VPS37A: variants seen among roughly 807,000 people sequenced by gnomAD.
VPS37A encodes the protein VPS37A subunit of ESCRT-I.
VPS37A carries 30 observed loss-of-function variants against 49.8 expected under a neutral mutation model. The observed-to-expected ratio is 0.60, with a 90% CI of 0.45 to 0.82. The LOEUF is 0.82. Ranked by LOEUF, VPS37A falls within the 40% of genes least tolerant of loss-of-function variation. The pLI is 0.00. For synonymous variants in VPS37A, 195 were observed against 160.6 expected, an observed-to-expected ratio of 1.21 and a Z score of -1.62; for missense variants, 593 against 464.4, an observed-to-expected ratio of 1.28 and a Z score of -2.55.
chr8:17,277,071 A>G (rs891998674), intron 6 of VPS37A, among the ~76,000 whole-genome samples: 1 of 152,124 alleles, frequency 6.6e-6, no homozygotes, highest in Non-Finnish European at 1.5e-5. Context: ...CTTATTACTA[A>G]TAAGACTACT....
At chr8:17,261,503 G>T (rs1188953579) in intron 1 of VPS37A, among the ~76,000 whole-genome samples, 4 of 152,150 alleles carry the variant, frequency 2.6e-5, no homozygotes, top group Non-Finnish European at 4.4e-5. Context: ...GGGAAGTCAG[G>T]CTCCCTGTTT....
At chr8:17,322,644 A>AC in the VPS37A span, among the ~76,000 whole-genome samples, 1 of 151,960 alleles carries the variant, frequency 6.6e-6, no homozygotes. Context: ...ATGTAGCAAG[A>AC]CCCCATCTCT....
chr8:17,277,956 GAATA>G (rs1814685726), intron 6 of VPS37A, among the ~76,000 whole-genome samples: 1 of 151,114 alleles, frequency 6.6e-6, no homozygotes, highest in Non-Finnish European at 1.5e-5. Context: ...ACAAATATGG[GAATA>G]AATACATGTC....
At chr8:17,287,367 C>G (rs1286804672) in intron 11 of VPS37A, among the ~76,000 whole-genome samples, 1 of 152,096 alleles carries the variant, frequency 6.6e-6, no homozygotes, top group Non-Finnish European at 1.5e-5. Flanking sequence ...ATTTCTGCAT[C>G]TCTATTCTTT....
At chr8:17,261,287 A>C (rs537402208) in intron 1 of VPS37A, among the ~76,000 whole-genome samples, 38 of 152,310 alleles carry the variant, frequency 2.5e-4, no homozygotes, top group Middle Eastern at 6.8e-3. Flanking sequence ...TTCAGCAAAC[A>C]TATTTCTCAG....
intron 11 of VPS37A, among the ~76,000 whole-genome samples, chr8:17,291,557 T>C (rs1248890055): frequency 1.3e-5 from 2 of 152,070 alleles, no homozygotes; most frequent in South Asian, 2.1e-4. Flanking sequence ...ATTCTTTTAA[T>C]TGTGATGTTA....
At chr8:17,252,925 A>C (rs1812108152) in intron 1 of VPS37A, among the ~76,000 whole-genome samples, 1 of 152,218 alleles carries the variant, frequency 6.6e-6, no homozygotes, top group Non-Finnish European at 1.5e-5. Flanking sequence ...GTAAACTTTA[A>C]AATTATGCGT....
At position 17,284,556 on chromosome 8, in the gene VPS37A, C is replaced by G. The variant is rs2285269; in HGVS notation, c.1053C>G (p.Asp351Glu). 5.0e-6 allele frequency: 8 copies of G among 1,599,776 alleles called. No homozygotes were observed. The highest frequency in any genetic ancestry group is 1.4e-5 in the African/African-American group (1 of 73,828). ...AAGAATCTGATAATATTGCAGAAGA[C>G]TTCTTGGAGGGAAAGATGGAAATAG... ...AEEESDNIAE[D>E]FLEGKMEIDD... Residue 351 changes from aspartate (D) to glutamate (E), a missense_variant, in exon 10 of 12, where the codon GAC becomes GAG. Transcript: ENST00000324849.
chr8:17,332,581 A>T, the VPS37A span, among the ~76,000 whole-genome samples: 3,926 of 152,302 alleles, frequency 0.026, 169 homozygotes, highest in African/African-American at 0.089. Context: ...GCCGTAAGTG[A>T]AAAGTGCATG....
At chr8:17,294,317 C>T (rs1204718185) in intron 11 of VPS37A, among the ~76,000 whole-genome samples, 5 of 152,296 alleles carry the variant, frequency 3.3e-5, no homozygotes, top group Middle Eastern at 3.4e-3. Flanking sequence ...CAAGCTCCAG[C>T]ATCCCAGGTC....
intron 11 of VPS37A, among the ~76,000 whole-genome samples, chr8:17,289,683 A>G (rs1198441086): frequency 2.0e-5 from 3 of 152,098 alleles, no homozygotes; most frequent in African/African-American, 7.2e-5. Flanking sequence ...TCTTGGATAT[A>G]TGGGCTCTTT....
At chr8:17,308,030 TATA>T in the VPS37A span, among the ~76,000 whole-genome samples, 9 of 147,146 alleles carry the variant, frequency 6.1e-5, no homozygotes, top group Non-Finnish European at 1.0e-4. Context: ...TAAAACAAAG[TATA>T]ATAATAATAA....
chr8:17,276,899 A>C (rs11989915), intron 6 of VPS37A, among the ~76,000 whole-genome samples: 1 of 152,066 alleles, frequency 6.6e-6, no homozygotes, highest in Non-Finnish European at 1.5e-5. Context: ...CTTTTTTTCA[A>C]ATTTATAGCA....
At chr8:17,299,837 T>C, downstream of VPS37A, 3 of 1,612,032 alleles carry the variant, frequency 1.9e-6, no homozygotes, top group Non-Finnish European at 2.5e-6. Context: ...ATGTGTCCTT[T>C]ACTTTGGAAC....
chr8:17,312,886 C>T, the VPS37A span, among the ~76,000 whole-genome samples: 2 of 152,274 alleles, frequency 1.3e-5, no homozygotes, highest in South Asian at 2.1e-4. Context: ...TTTCCTATGG[C>T]GGAATGGACT....
At chr8:17,285,714 C>G (rs918330336) in intron 10 of VPS37A, among the ~76,000 whole-genome samples, 1 of 152,148 alleles carries the variant, frequency 6.6e-6, no homozygotes, top group Non-Finnish European at 1.5e-5. Flanking sequence ...GCATTGATTT[C>G]TGCTCCATTA....
chr8:17,248,627 C>T (rs1010331749), intron 1 of VPS37A, among the ~76,000 whole-genome samples: 1 of 152,100 alleles, frequency 6.6e-6, no homozygotes, highest in African/African-American at 2.4e-5. Context: ...TATGTATCCT[C>T]AGATAATATC....
At chr8:17,306,145 C>T (rs929999721), downstream of VPS37A, among the ~76,000 whole-genome samples, 6 of 152,104 alleles carry the variant, frequency 3.9e-5, no homozygotes, top group African/African-American at 7.2e-5. Context: ...TTTGTAGTGA[C>T]GGTCTGGATA....
At chr8:17,258,933 T>C (rs367550751) in intron 1 of VPS37A, among the ~76,000 whole-genome samples, 1 of 152,230 alleles carries the variant, frequency 6.6e-6, no homozygotes, top group South Asian at 2.1e-4. Context: ...TCTTTATAGT[T>C]CTGTGGTCTC....
Sources: allele counts gnomAD v4.1 joint callset (sites outside exome capture counted in the v4.1 genomes callset), GRCh38; gene constraint gnomAD v4.1.1; transcripts MANE v1.5; gene names NCBI Gene and HGNC (gene_info 2026-07-23, HGNC 2026-07-21).